The following OR2A5 variants were observed in gnomAD, a reference collection of about 807,000 sequenced individuals.
OR2A5 encodes the protein olfactory receptor family 2 subfamily A member 5, also known as olfactory receptor 2A5.
A neutral mutation model predicts 1.9 loss-of-function variants in OR2A5; 2 were observed. The ratio of observed to expected loss-of-function variants is 1.04; its 90% CI spans 0.43 to 3.28. The LOEUF is 3.28. Among genes scored for constraint, OR2A5 ranks in the 30% most tolerant of loss-of-function variants. OR2A5 has a pLI of 0.08. For synonymous variants in OR2A5, 160 were observed against 154.5 expected (o/e 1.04, Z -0.26); for missense variants, 391 against 375.9 (o/e 1.04, Z -0.33).
rs1554410659 is a variant in OR2A5 at position 144,056,818 on chromosome 7, T to TG, written c.*5481_*5482insG. 2 of 144,654 alleles carry TG rather than the reference T, an allele frequency of 1.4e-5. No homozygotes were observed. Among genetic ancestry groups the TG allele is most frequent in the Admixed American group, 6.9e-5 (1 of 14,558 alleles). The allele number at this position is 144,654 out of a possible 1,614,324, so 9.0% of individuals were successfully genotyped here. ...GAAATAAGGACTAACTCTTGTTTTT[T>TG]TTTTTTTTTTTTTTGAGACGGAGTC... On this transcript the variant is annotated 3_prime_UTR_variant, in exon 2 of 2. Transcript: ENST00000641693.
Position 144,054,090 on chromosome 7 carries a change from A to G in OR2A5, c.*2753A>G, listed in dbSNP as rs1586881587. On this transcript the variant is annotated 3_prime_UTR_variant, in exon 2 of 2. Transcript: ENST00000641693. ...CATCTCTCCTGTGTACAGATCCGTG[A>G]TGGACCTACCTTACCAGTGCTCTAG... 1 of 152,184 alleles carries G rather than the reference A, an allele frequency of 6.6e-6. No homozygotes were observed. The highest frequency in any genetic ancestry group is 1.9e-4 in the East Asian group (1 of 5,190). The allele number at this position is 152,184 out of a possible 1,614,324, so 9.4% of individuals were successfully genotyped here.
rs1245115007 is a variant in OR2A5 at position 144,056,818 on chromosome 7, T to TTG, written c.*5482_*5483insGT. The stretch of plus-strand genomic sequence containing the variant: ...GAAATAAGGACTAACTCTTGTTTTT[T>TTG]TTTTTTTTTTTTTTGAGACGGAGTC... On this transcript the variant is annotated 3_prime_UTR_variant, in exon 2 of 2. Transcript: ENST00000641693. 1.4e-5 allele frequency: 2 copies of TTG among 144,576 alleles called. No homozygotes were observed. Among genetic ancestry groups the TTG allele is most frequent in the Non-Finnish European group, 3.0e-5 (2 of 66,334 alleles). 9.0% of individuals were successfully genotyped at this position (144,576 alleles called of 1,614,324 possible). A position where few individuals can be genotyped will look rare whatever the true frequency, so the allele number is the denominator to read the frequency against.
rs1448457090 is a variant in OR2A5, at chr7:144,054,179, A to T, written c.*2842A>T. 3 of 152,234 alleles carry T rather than the reference A, an allele frequency of 2.0e-5. No individual in the cohort carries two copies. Among genetic ancestry groups the T allele is most frequent in the Non-Finnish European group, 4.4e-5 (3 of 68,052 alleles). 9.4% of individuals were successfully genotyped at this position (152,234 alleles called of 1,614,324 possible). A position where few individuals can be genotyped will look rare whatever the true frequency, so the allele number is the denominator to read the frequency against. ...CAAGCTGAGATGCTTGCTATGTTAG[A>T]TTCACATCTCAATTGTGCTACAACT... On this transcript the variant is annotated 3_prime_UTR_variant, in exon 2 of 2. Coordinates refer to ENST00000641693, the MANE Select transcript of OR2A5 (RefSeq NM_012365.2).
At position 144,050,481 on chromosome 7, in the gene OR2A5, C is replaced by T; in HGVS notation, c.80C>T (p.Ser27Phe). 6.3e-7 allele frequency: 1 copy of T among 1,592,014 alleles called. No homozygotes were observed. Among genetic ancestry groups the T allele is most frequent in the Non-Finnish European group, 8.5e-7 (1 of 1,170,760 alleles). ...PLSLRIQMLL[S>F]GLFSLLYVFT... ...AGCCTAAGGATTCAGATGCTCCTCT[C>T]TGGGCTTTTCTCCCTGTTATACGTC... The change falls in exon 2 of 2, where the codon TCT (serine) becomes TTT (phenylalanine). Residue 27 changes from serine (S) to phenylalanine (F), a missense_variant. Ser to Phe is a radical substitution (Grantham distance 155, BLOSUM62 -2). Transcript: ENST00000641693.
Position 144,050,819 on chromosome 7 carries a change from G to T in OR2A5, c.418G>T (p.Val140Leu), listed in dbSNP as rs756425545. The T allele has an allele frequency of 1.2e-6, 2 of 1,614,208 alleles. No individual in the cohort carries two copies. The highest frequency in any genetic ancestry group is 8.5e-7 in the Non-Finnish European group (1 of 1,180,028). The change falls in exon 2 of 2, where the codon GTG (valine) becomes TTG (leucine). Residue 140 changes from valine to leucine, a missense_variant. Coordinates refer to ENST00000641693, the MANE Select transcript of OR2A5 (RefSeq NM_012365.2). ...ATATTCTGTCATCATGAGATGGGGAGTGTGCACAGTCCTGGCTGTCACTTC... is the reference window on the plus strand; with the variant it reads ...ATATTCTGTCATCATGAGATGGGGATTGTGCACAGTCCTGGCTGTCACTTC... ...LQYSVIMRWG[V>L]CTVLAVTSWA...
In OR2A5 at chr7:144,050,411, A is replaced by T; in HGVS notation, c.10A>T (p.Asn4Tyr). MTK[N>Y]QTWVTEFILL... is the part of the protein sequence containing the mutation. ...GTACTGTCACAAGGGCATGACAAAAAATCAGACATGGGTCACAGAATTCAT... is the reference window on the plus strand; with the variant it reads ...GTACTGTCACAAGGGCATGACAAAATATCAGACATGGGTCACAGAATTCAT... The change falls in exon 2 of 2, where the codon AAT becomes TAT. Residue 4 changes from asparagine to tyrosine, a missense_variant. Transcript: ENST00000641693. The T allele has an allele frequency of 1.3e-6, 2 of 1,536,990 alleles. No individual in the cohort carries two copies. The highest frequency in any genetic ancestry group is 1.7e-6 in the Non-Finnish European group (2 of 1,147,072).
Position 144,051,194 on chromosome 7 carries a change from C to T in OR2A5, c.793C>T (p.Arg265Cys), listed in dbSNP as rs1198797310. ...AIVMYMAPKS[R>C]HPEEQQKVLS... ...TGTCATGTACATGGCCCCCAAGTCCCGCCACCCTGAGGAGCAGCAGAAGGT... is the reference window on the plus strand; with the variant it reads ...TGTCATGTACATGGCCCCCAAGTCCTGCCACCCTGAGGAGCAGCAGAAGGT... The change falls in exon 2 of 2, where the codon CGC becomes TGC. Residue 265 changes from arginine to cysteine, a missense_variant. Coordinates refer to ENST00000641693, the MANE Select transcript of OR2A5 (RefSeq NM_012365.2). The T allele has an allele frequency of 6.8e-6, 11 of 1,614,196 alleles. No individual in the cohort carries two copies. The highest frequency in any genetic ancestry group is 6.6e-5 in the South Asian group (6 of 91,084).
rs894669446 is a variant in OR2A5, at chr7:144,056,144, C to T, written c.*4807C>T. Reference sequence around the variant, plus strand: ...ACTAAATATATTAAAGTTCTTCATGCAATAATGGGGAACTGAGGCTTAGCA... The same window carrying T: ...ACTAAATATATTAAAGTTCTTCATGTAATAATGGGGAACTGAGGCTTAGCA... On this transcript the variant is annotated 3_prime_UTR_variant, in exon 2 of 2. Transcript: ENST00000641693. 1 of 152,142 alleles carries T rather than the reference C, an allele frequency of 6.6e-6. No individual in the cohort carries two copies. Among genetic ancestry groups the T allele is most frequent in the Admixed American group, 6.5e-5 (1 of 15,268 alleles). The allele number at this position is 152,142 out of a possible 1,614,324, so 9.4% of individuals were successfully genotyped here. A position where few individuals can be genotyped will look rare whatever the true frequency, so the allele number is the denominator to read the frequency against.
Position 144,051,266 on chromosome 7 carries a change from A to G in OR2A5, c.865A>G (p.Ile289Val). 6.2e-7 allele frequency: 1 copy of G among 1,613,850 alleles called. No homozygotes were observed. The highest frequency in any genetic ancestry group is 1.7e-4 in the Middle Eastern group (1 of 6,060). ...TTTCAACCCGATGCTGAACCCCTTG[A>G]TCTATAGCCTGAGGAACGCAGAGGT... The part of the protein sequence containing the change: ...SLFNPMLNPL[I>V]YSLRNAEVKG... The change falls in exon 2 of 2, where the codon ATC becomes GTC. Residue 289 changes from isoleucine to valine, a missense_variant. Ile to Val is a conservative substitution (Grantham distance 29). Transcript: ENST00000641693.
Position 144,052,248 on chromosome 7 carries a change from T to G in OR2A5, c.*911T>G, listed in dbSNP as rs1188799141. On this transcript the variant is annotated 3_prime_UTR_variant, in exon 2 of 2. Transcript: ENST00000641693. ...AAGACTTTCAGGAACCTCAACAAAA[T>G]TCCAAAGAGAAGCTATTCCAGGTGA... The G allele has an allele frequency of 6.6e-6, 1 of 152,090 alleles. No homozygotes were observed. Among genetic ancestry groups the G allele is most frequent in the East Asian group, 1.9e-4 (1 of 5,178 alleles). 9.4% of individuals were successfully genotyped at this position (152,090 alleles called of 1,614,324 possible). A position where few individuals can be genotyped will look rare whatever the true frequency, so the allele number is the denominator to read the frequency against.
Position 144,050,969 on chromosome 7 carries a change from G to A in OR2A5, c.568G>A (p.Ala190Thr), listed in dbSNP as rs200895306. 1.1e-5 allele frequency: 17 copies of A among 1,614,158 alleles called. No homozygotes were observed. Among genetic ancestry groups the A allele is most frequent in the Non-Finnish European group, 1.4e-5 (17 of 1,180,026 alleles). ...EILSVLKLAC[A>T]DTWLNQVVIF... The stretch of plus-strand genomic sequence containing the variant: ...CCTGTCTGTCCTCAAGTTGGCCTGT[G>A]CTGACACCTGGCTCAACCAGGTGGT... The change falls in exon 2 of 2, where the codon GCT becomes ACT. Residue 190 changes from alanine to threonine, a missense_variant. By Grantham distance (58) the Ala-to-Thr change is moderately conservative. Coordinates refer to ENST00000641693, the MANE Select transcript of OR2A5 (RefSeq NM_012365.2).
At position 144,052,051 on chromosome 7, in the gene OR2A5, T is replaced by C. The variant is rs1000931880; in HGVS notation, c.*714T>C. ...TTATTAGGGATAGTTACCTTTTTCATAATTCAGATCGCAAAGCCGGGTGTA... is the reference window on the plus strand; with the variant it reads ...TTATTAGGGATAGTTACCTTTTTCACAATTCAGATCGCAAAGCCGGGTGTA... On this transcript the variant is annotated 3_prime_UTR_variant, in exon 2 of 2. Coordinates refer to ENST00000641693, the MANE Select transcript of OR2A5 (RefSeq NM_012365.2). The C allele has an allele frequency of 2.6e-5, 4 of 152,352 alleles. No individual in the cohort carries two copies. Among genetic ancestry groups the C allele is most frequent in the Middle Eastern group, 3.4e-3 (1 of 294 alleles). The allele number at this position is 152,352 out of a possible 1,614,324, so 9.4% of individuals were successfully genotyped here.
Position 144,051,081 on chromosome 7 carries a change from G to A in OR2A5, c.680G>A (p.Arg227Lys). Residue 227 changes from arginine (R) to lysine (K), a missense_variant, in exon 2 of 2, where the codon AGG (arginine) becomes AAG (lysine). Arg to Lys is a conservative substitution (Grantham distance 26). Coordinates refer to ENST00000641693, the MANE Select transcript of OR2A5 (RefSeq NM_012365.2). ...TCGCGCATCCTGGCGGCCATCTTGAGGATCCAGTCTGGGGAGGGCCGCAGA... is the reference window on the plus strand; with the variant it reads ...TCGCGCATCCTGGCGGCCATCTTGAAGATCCAGTCTGGGGAGGGCCGCAGA... ...SYSRILAAIL[R>K]IQSGEGRRKA... is the part of the protein sequence containing the mutation. 1 of 1,614,182 alleles carries A rather than the reference G, an allele frequency of 6.2e-7. No homozygotes were observed. Among genetic ancestry groups the A allele is most frequent in the East Asian group, 2.2e-5 (1 of 44,882 alleles).
Position 144,050,504 on chromosome 7 carries a change from G to C in OR2A5, c.103G>C (p.Val35Leu). The change falls in exon 2 of 2, where the codon GTC becomes CTC. Residue 35 changes from valine to leucine, a missense_variant. Val to Leu is a conservative substitution (Grantham distance 32). Transcript: ENST00000641693. ...CTCTGGGCTTTTCTCCCTGTTATAC[G>C]TCTTCACCCTGCTGGGAAATGGGGC... ...LLSGLFSLLY[V>L]FTLLGNGAIL... is the part of the protein sequence containing the mutation. 6.2e-7 allele frequency: 1 copy of C among 1,605,550 alleles called. No individual in the cohort carries two copies. Among genetic ancestry groups the C allele is most frequent in the South Asian group, 1.1e-5 (1 of 89,318 alleles).
chr7:144,050,895 G>C lies in OR2A5; in HGVS notation c.494G>C (p.Arg165Thr). ...CTGGTCCATGTGGTTCTCATCCTGA[G>C]GCTGCCCTTCTGTGGGCCCCATGAA... is the stretch of plus-strand genomic sequence containing the variant. ...LALVHVVLILRLPFCGPHEIN... is the reference protein window; with the variant it reads ...LALVHVVLILTLPFCGPHEIN... Residue 165 changes from arginine (R) to threonine (T), a missense_variant, in exon 2 of 2, where the codon AGG becomes ACG. Transcript: ENST00000641693. 1.2e-6 allele frequency: 2 copies of C among 1,614,174 alleles called. No individual in the cohort carries two copies. The highest frequency in any genetic ancestry group is 1.7e-6 in the Non-Finnish European group (2 of 1,180,044).
chr7:144,056,662 A>G lies in OR2A5; in HGVS notation c.*5325A>G, dbSNP rs538865063. The stretch of plus-strand genomic sequence containing the variant: ...AATATTTATGTTTATGTTTAAATGC[A>G]TAAAAGATTTCTTAAAGATATGCTA... On this transcript the variant is annotated 3_prime_UTR_variant, in exon 2 of 2. Transcript: ENST00000641693. The G allele has an allele frequency of 7.4e-4, 112 of 152,362 alleles. No homozygotes were observed. The highest frequency in any genetic ancestry group is 2.6e-3 in the African/African-American group (107 of 41,586). 9.4% of individuals were successfully genotyped at this position (152,362 alleles called of 1,614,324 possible).
At position 144,051,130 on chromosome 7, in the gene OR2A5, C is replaced by G. The variant is rs1378497654; in HGVS notation, c.729C>G (p.Ser243=). 6.2e-7 allele frequency: 1 copy of G among 1,614,228 alleles called. No homozygotes were observed. Among genetic ancestry groups the G allele is most frequent in the South Asian group, 1.1e-5 (1 of 91,088 alleles). The part of the protein sequence containing the change: ...GRRKAFSTCS[S]HLCMVGLFFG... ...GAAAGGCCTTCTCCACCTGCTCCTC[C>G]CACCTTTGCATGGTGGGACTCTTCT... Residue 243 remains serine (S), a synonymous_variant, in exon 2 of 2, where the codon TCC becomes TCG. Coordinates refer to ENST00000641693, the MANE Select transcript of OR2A5 (RefSeq NM_012365.2).
At chr7:144,049,775 G>A (rs1212455627) in intron 1 of OR2A5, among the ~76,000 whole-genome samples, 1 of 152,210 alleles carries the variant, frequency 6.6e-6, no homozygotes, top group Non-Finnish European at 1.5e-5. Flanking sequence ...AGTTGCTTCA[G>A]GAAGTAAAAC....
Position 144,050,825 on chromosome 7 carries a change from A to C in OR2A5, c.424A>C (p.Thr142Pro). 6.2e-7 allele frequency: 1 copy of C among 1,614,132 alleles called. No homozygotes were observed. Among genetic ancestry groups the C allele is most frequent in the South Asian group, 1.1e-5 (1 of 91,080 alleles). The change falls in exon 2 of 2, where the codon ACA becomes CCA. Residue 142 changes from threonine (T) to proline (P), a missense_variant. By Grantham distance (38) the Thr-to-Pro change is conservative. Transcript: ENST00000641693. ...YSVIMRWGVCTVLAVTSWACG... is the reference protein window; with the variant it reads ...YSVIMRWGVCPVLAVTSWACG... ...TGTCATCATGAGATGGGGAGTGTGC[A>C]CAGTCCTGGCTGTCACTTCTTGGGC...
Sources: allele counts gnomAD v4.1 joint callset (sites outside exome capture counted in the v4.1 genomes callset), GRCh38; gene constraint gnomAD v4.1.1; transcripts MANE v1.5; gene names NCBI Gene and HGNC (gene_info 2026-07-23, HGNC 2026-07-21).